The following ATP13A1 variants were observed in gnomAD, a reference collection of about 807,000 sequenced individuals.
ATP13A1 encodes the protein ATPase 13A1.
A neutral mutation model predicts 134.8 loss-of-function variants in ATP13A1; 55 were observed. The observed-to-expected ratio is 0.41, with a 90% CI of 0.33 to 0.51. The LOEUF (loss-of-function observed/expected upper bound fraction) is 0.51. Ranked by LOEUF, ATP13A1 falls within the 20% of genes least tolerant of loss-of-function variation. The pLI is 0.29. For missense variants in ATP13A1, 1,389 were observed against 1,652.8 expected (o/e 0.84, Z 2.77); for synonymous variants, 775 against 725.1 (o/e 1.07, Z -1.10).
At chr19:19,654,984 C>T in intron 12 of ATP13A1, 135 bp downstream of exon 12, 2 of 1,376,836 alleles carry the variant, frequency 1.5e-6, no homozygotes, top group Non-Finnish European at 1.9e-6. Flanking sequence ...TTGTGGGGAG[C>T]CCCTGGAAAT....
rs973449704 is a variant in ATP13A1, at chr19:19,655,594, T to C, written c.1330A>G (p.Thr444Ala). 6.2e-7 allele frequency: 1 copy of C among 1,613,702 alleles called. No individual in the cohort carries two copies. The highest frequency in any genetic ancestry group is 1.7e-5 in the Admixed American group (1 of 59,968). ...AGGAGGAAGAGGATGAAGATGAAGGTCTCCAGGTTGTTCGCAGTCACCCTC... is the reference window on the plus strand; with the variant it reads ...AGGAGGAAGAGGATGAAGATGAAGGCCTCCAGGTTGTTCGCAGTCACCCTC... ...VKRVTANNLETFIFILFLLVF... is the reference protein window; with the variant it reads ...VKRVTANNLEAFIFILFLLVF... The change falls in exon 10 of 26, where the codon ACC becomes GCC. Residue 444 changes from threonine (T) to alanine (A), a missense_variant. Thr to Ala is a moderately conservative substitution (Grantham distance 58, BLOSUM62 0). Transcript: ENST00000357324. This position sits in a 1 kb window ranked among gnomAD's most constrained non-coding sequence, Gnocchi z 5.7.
chr19:19,651,922 T>A (rs2062027175), intron 16 of ATP13A1, 125 bp from the exon 17 acceptor site: 1 of 721,008 alleles, frequency 1.4e-6, no homozygotes, highest in African/African-American at 1.8e-5. Context: ...CTAACCGAGA[T>A]GCTGAATGGG....
rs777825656 is a variant in ATP13A1, at chr19:19,649,955, T to G, written c.2336-15A>C. 3 of 1,572,358 alleles carry G rather than the reference T, an allele frequency of 1.9e-6. No individual in the cohort carries two copies. Among genetic ancestry groups the G allele is most frequent in the South Asian group, 1.1e-5 (1 of 88,198 alleles). ...GCACTGCCGGCCTGCGGGCAGCACCTAGGGTTAGGGCTGGGGGCTTGGCTG... is the reference window on the plus strand; with the variant it reads ...GCACTGCCGGCCTGCGGGCAGCACCGAGGGTTAGGGCTGGGGGCTTGGCTG... On this transcript the variant is annotated splice_polypyrimidine_tract_variant and intron_variant, in intron 17 of 25. Transcript: ENST00000357324.
chr19:19,656,210 T>C lies in ATP13A1; in HGVS notation c.1084-27A>G, dbSNP rs747692211. 8.9e-6 allele frequency: 14 copies of C among 1,580,352 alleles called. No homozygotes were observed. In the Admixed American group the frequency reaches 2.3e-4, roughly 26 times the overall value. On this transcript the variant is annotated intron_variant, in intron 7 of 25. Transcript: ENST00000357324. This position sits in a 1 kb window ranked among gnomAD's most constrained non-coding sequence, Gnocchi z 4.6. ...TGGGGAGGAAGATCGTGAATCTGGATGGCCAGGCCTACCTTGCTTCCTTCT... is the reference window on the plus strand; with the variant it reads ...TGGGGAGGAAGATCGTGAATCTGGACGGCCAGGCCTACCTTGCTTCCTTCT...
In ATP13A1 at chr19:19,647,452, G is replaced by A. The variant is rs779080324; in HGVS notation, c.2870C>T (p.Ala957Val). Reference protein sequence around the residue: ...PIVKLGDASIAAPFTSKLSSI... With the variant: ...PIVKLGDASIVAPFTSKLSSI... ...TGAGAGCTTGGAGGTGAAGGGTGCT[G>A]CGATGCTGGCATCCCCCAGTTTCAC... The change falls in exon 21 of 26, where the codon GCA becomes GTA. Residue 957 changes from alanine (A) to valine (V), a missense_variant. This residue lies in a region of ATP13A1 where 228 missense variants were observed against 321.0 expected (regional missense o/e 0.71). Transcript: ENST00000357324. This position sits in a 1 kb window ranked among gnomAD's most constrained non-coding sequence, Gnocchi z 4.8. 6.2e-7 allele frequency: 1 copy of A among 1,613,570 alleles called. No homozygotes were observed. Among genetic ancestry groups the A allele is most frequent in the African/African-American group, 1.3e-5 (1 of 75,018 alleles).
In ATP13A1 at chr19:19,649,929, C is replaced by G. The variant is rs143627291; in HGVS notation, c.2347G>C (p.Glu783Gln). ...ATGCTGCCGTCAATGGAGCGCCACTCGCACTGCCGGCCTGCGGGCAGCACC... is the reference window on the plus strand; with the variant it reads ...ATGCTGCCGTCAATGGAGCGCCACTGGCACTGCCGGCCTGCGGGCAGCACC... ...QPPSEKGRQC[E>Q]WRSIDGSIVL... The change falls in exon 18 of 26, where the codon GAG (glutamate) becomes CAG (glutamine). Residue 783 changes from glutamate to glutamine, a missense_variant. Around this residue, in one of 4 missense-constraint regions of ATP13A1, gnomAD observed 747 missense variants for 956.1 expected, o/e 0.78. Transcript: ENST00000357324. 2 of 1,592,836 alleles carry G rather than the reference C, an allele frequency of 1.3e-6. No homozygotes were observed. The highest frequency in any genetic ancestry group is 2.7e-5 in the African/African-American group (2 of 74,852).
intron 1 of ATP13A1, among the ~76,000 whole-genome samples, chr19:19,660,798 G>A (rs1449137153): frequency 2.2e-5 from 3 of 138,862 alleles, no homozygotes; most frequent in Non-Finnish European, 3.1e-5. Context: ...AAAATAAAAA[G>A]GCTGGGTGCA....
In ATP13A1 at chr19:19,659,995, A is replaced by C; in HGVS notation, c.397-8T>G. ...TTTGCTGGGGTCGTACTCCTGACAG[A>C]GACAAAGAAAGCATTGTGGCTTAGC... On this transcript the variant is annotated splice_polypyrimidine_tract_variant and splice_region_variant and intron_variant, in intron 1 of 25. Transcript: ENST00000357324. 6.4e-7 allele frequency: 1 copy of C among 1,556,116 alleles called. No individual in the cohort carries two copies. Among genetic ancestry groups the C allele is most frequent in the Non-Finnish European group, 8.7e-7 (1 of 1,151,868 alleles).
rs61328844 is a variant in ATP13A1, at chr19:19,658,149, CAAAAA to C, written c.678-746_678-742del. Among the ~76,000 whole-genome samples, 177 of 66,294 alleles carry C rather than the reference CAAAAA, an allele frequency of 2.7e-3. 2 individuals carry two copies. The highest frequency in any genetic ancestry group is 8.5e-3 in the Middle Eastern group (1 of 118). The allele number at this position is 66,294 out of a possible 152,430, so 43.5% of individuals were successfully genotyped here. A position where few individuals can be genotyped will look rare whatever the true frequency, so the allele number is the denominator to read the frequency against. Reference sequence around the variant, plus strand: ...GGGTAACAGAGTAAGACCCTGTCTCCAAAAAAAAAAAAAAAAAAAAAAAAGGCTCG... The same window carrying C: ...GGGTAACAGAGTAAGACCCTGTCTCCAAAAAAAAAAAAAAAAAAAGGCTCG... On this transcript the variant is annotated intron_variant, in intron 3 of 25. Transcript: ENST00000357324.
chr19:19,648,044 C>T (rs569825337), intron 19 of ATP13A1, among the ~76,000 whole-genome samples: 139 of 152,256 alleles, frequency 9.1e-4, no homozygotes, highest in African/African-American at 3.1e-3. Flanking sequence ...TTTGGCCGAG[C>T]GCAGTGGCTC....
Position 19,647,875 on chromosome 19 carries a change from C to T in ATP13A1, c.2633-116G>A. 3 of 1,307,282 alleles carry T rather than the reference C, an allele frequency of 2.3e-6. No individual in the cohort carries two copies. Among genetic ancestry groups the T allele is most frequent in the Non-Finnish European group, 3.1e-6 (3 of 976,682 alleles). The allele number at this position is 1,307,282 out of a possible 1,614,324, so 81.0% of individuals were successfully genotyped here. A position where few individuals can be genotyped will look rare whatever the true frequency, so the allele number is the denominator to read the frequency against. On this transcript the variant is annotated intron_variant, in intron 19 of 25. Coordinates refer to ENST00000357324, the MANE Select transcript of ATP13A1 (RefSeq NM_020410.3). This position sits in a 1 kb window ranked among gnomAD's most constrained non-coding sequence, Gnocchi z 4.8. Reference sequence around the variant, plus strand: ...AGCTGGCTCCCGTGAGGACAGTTCCCAGACTTCCCCATTTCACCTGACACC... The same window carrying T: ...AGCTGGCTCCCGTGAGGACAGTTCCTAGACTTCCCCATTTCACCTGACACC...
chr19:19,660,111 G>C, intron 1 of ATP13A1, 124 bp from the exon 2 acceptor site: 1 of 768,012 alleles, frequency 1.3e-6, no homozygotes, highest in Non-Finnish European at 2.1e-6. Flanking sequence ...GGGCTCTGGT[G>C]CTGCCTCTGT....
chr19:19,645,430 G>A lies in ATP13A1; in HGVS notation c.3607C>T (p.Pro1203Ser). 1.3e-6 allele frequency: 2 copies of A among 1,599,976 alleles called. No individual in the cohort carries two copies. The highest frequency in any genetic ancestry group is 1.7e-6 in the Non-Finnish European group (2 of 1,174,306). Residue 1203 changes from proline to serine, a missense_variant, in exon 26 of 26, where the codon CCT becomes TCT. Physicochemically the swap from Pro to Ser is moderately conservative, Grantham distance 74. This residue lies in a region of ATP13A1 where 228 missense variants were observed against 321.0 expected (regional missense o/e 0.71). Coordinates refer to ENST00000357324, the MANE Select transcript of ATP13A1 (RefSeq NM_020410.3). The surrounding 1 kb of genome is among the most constrained non-coding windows in gnomAD (Gnocchi z 4.1). ...GTACCAGCACTGCCATCTCAGGAAGGCACTTTCAGCTTCGGGGTCCCCAGG... is the reference window on the plus strand; with the variant it reads ...GTACCAGCACTGCCATCTCAGGAAGACACTTTCAGCTTCGGGGTCCCCAGG... The part of the protein sequence containing the change: ...FFLGTPKLKV[P>S]S
chr19:19,648,244 G>A (rs542918749), intron 19 of ATP13A1, among the ~76,000 whole-genome samples: 62 of 152,160 alleles, frequency 4.1e-4, no homozygotes, highest in African/African-American at 1.4e-3. Context: ...GCTTGAACCC[G>A]GGAGGCGGAG....
Position 19,655,456 on chromosome 19 carries a change from G to A in ATP13A1, c.1397-3C>T, listed in dbSNP as rs761553256. 8 of 1,613,880 alleles carry A rather than the reference G, an allele frequency of 5.0e-6. No homozygotes were observed. In the Admixed American group the frequency reaches 8.3e-5, roughly 17 times the overall value. ...GTTCCGGCTGGGGTCCTTGGTACCT[G>A]TGGAGACAGGGCCTGCCAACCTGGA... On this transcript the variant is annotated splice_polypyrimidine_tract_variant and splice_region_variant and intron_variant, in intron 10 of 25. Coordinates refer to ENST00000357324, the MANE Select transcript of ATP13A1 (RefSeq NM_020410.3). The surrounding 1 kb of genome is among the most constrained non-coding windows in gnomAD (Gnocchi z 5.7).
chr19:19,654,808 G>A, intron 12 of ATP13A1, 108 bp from the exon 13 acceptor site: 1 of 1,342,894 alleles, frequency 7.4e-7, no homozygotes, highest in South Asian at 1.4e-5. Flanking sequence ...CTTGTCACTG[G>A]GGTGGCTTGG....
In ATP13A1 at chr19:19,655,180, AG is replaced by A; in HGVS notation, c.1593del (p.Phe532LeufsTer7). The A allele has an allele frequency of 6.2e-7, 1 of 1,614,006 alleles. No individual in the cohort carries two copies. The highest frequency in any genetic ancestry group is 8.5e-7 in the Non-Finnish European group (1 of 1,179,892). On this transcript the variant is annotated frameshift_variant, in exon 12 of 26. Coordinates refer to ENST00000357324, the MANE Select transcript of ATP13A1 (RefSeq NM_020410.3). LOFTEE classifies it high-confidence loss of function. The surrounding 1 kb of genome is among the most constrained non-coding windows in gnomAD (Gnocchi z 5.7). ...CTGGTCAACGTCCCCGTCTTGTCAA[AG>A]CAGCACACCTCGACCTTGCCAGCAA... is the stretch of plus-strand genomic sequence containing the variant. ...IPFAGKVEVC[C>X]FDKTGTLTSD...
chr19:19,652,804 G>C, intron 15 of ATP13A1, 84 bp from the exon 16 acceptor site: 1 of 1,476,572 alleles, frequency 6.8e-7, no homozygotes, highest in East Asian at 2.5e-5. Flanking sequence ...CATGCGCTGG[G>C]AGCCAAGGGG....
intron 4 of ATP13A1, 34 bp from the exon 5 acceptor site, chr19:19,657,183 C>T (rs746847574): frequency 4.0e-6 from 6 of 1,495,832 alleles, no homozygotes; most frequent in South Asian, 1.4e-5. Flanking sequence ...CCTTGCCCTA[C>T]CCGCCCTGTT....
Sources: gnomAD v4.1 joint callset for allele counts (sites outside exome capture counted in the v4.1 genomes callset) on GRCh38, gnomAD v4.1.1 for gene constraint, gnomAD v4.1.1 regional missense constraint, Gnocchi (gnomAD v3.1) non-coding constraint, MANE v1.5 for transcripts, NCBI Gene and HGNC (gene_info 2026-07-23, HGNC 2026-07-21) for gene names.